The following RHEB variants were observed in gnomAD, a reference collection of about 807,000 sequenced individuals.
RHEB encodes the protein Ras homolog, mTORC1 binding.
In RHEB, 2 loss-of-function variants were observed where a neutral mutation model predicts 28.8. That is an observed-to-expected ratio of 0.07 (90% CI 0.03 to 0.22). The LOEUF (loss-of-function observed/expected upper bound fraction) is 0.22, where lower values mean the gene tolerates loss of function less well. Among genes scored for constraint, RHEB ranks in the 10% least tolerant of loss-of-function variants. The pLI is 1.00. For synonymous variants in RHEB, 69 were observed against 77.3 expected (o/e 0.89, Z 0.56); for missense variants, 76 against 219.9 (o/e 0.35, Z 4.14).
At position 151,502,548 on chromosome 7, in the gene RHEB, C is replaced by G. The variant is rs1253084117; in HGVS notation, c.53-11534G>C. The G allele has an allele frequency of 3.1e-5, 32 of 1,042,660 alleles. No individual in the cohort carries two copies. The Admixed American group carries it at 5.2e-4, about 17-fold the overall frequency. The allele number at this position is 1,042,660 out of a possible 1,614,324, so 64.6% of individuals were successfully genotyped here. A position where few individuals can be genotyped will look rare whatever the true frequency, so the allele number is the denominator to read the frequency against. Reference sequence around the variant, plus strand: ...TTTGAATCTTTCAAACCAATTAATACGTCATTGTATTGTGTGACAACAAAT... The same window carrying G: ...TTTGAATCTTTCAAACCAATTAATAGGTCATTGTATTGTGTGACAACAAAT... On this transcript the variant is annotated intron_variant, in intron 1 of 7. Coordinates refer to ENST00000262187, the MANE Select transcript of RHEB (RefSeq NM_005614.4).
At chr7:151,494,546 C>T (rs773371219) in intron 1 of RHEB, among the ~76,000 whole-genome samples, 4 of 152,208 alleles carry the variant, frequency 2.6e-5, no homozygotes, top group Non-Finnish European at 4.4e-5. Flanking sequence ...GTAATCATTC[C>T]GGTAACAGAC....
At chr7:151,480,746 G>A (rs1802369079) in intron 3 of RHEB, among the ~76,000 whole-genome samples, 1 of 151,064 alleles carries the variant, frequency 6.6e-6, no homozygotes, top group Non-Finnish European at 1.5e-5. Context: ...GGGCAATGGT[G>A]CAATCTTGGG....
intron 7 of RHEB, 189 bp downstream of exon 7, chr7:151,470,382 A>G (rs1314069658): frequency 2.2e-6 from 1 of 456,940 alleles, no homozygotes; most frequent in East Asian, 3.6e-5. Flanking sequence ...TGTAAGTAGA[A>G]TACTGACTGA....
At chr7:151,471,841 G>A (rs1383565627) in intron 4 of RHEB, 3 of 458,014 alleles carry the variant, frequency 6.6e-6, no homozygotes, top group East Asian at 3.6e-5. Context: ...GCATTCAAAC[G>A]GAAAGCCTAC....
intron 2 of RHEB, among the ~76,000 whole-genome samples, chr7:151,489,532 A>C (rs953393504): frequency 1.3e-5 from 2 of 152,248 alleles, no homozygotes; most frequent in Admixed American, 6.5e-5. Flanking sequence ...GCACACTGGA[A>C]CACAAAGGAC....
chr7:151,504,425 T>A (rs1802830523), intron 1 of RHEB, among the ~76,000 whole-genome samples: 2 of 152,170 alleles, frequency 1.3e-5, no homozygotes, highest in Admixed American at 6.5e-5. Context: ...GCCCTGCTTT[T>A]CACCCTGCAG....
At chr7:151,491,138 T>C in intron 1 of RHEB, 124 bp from the exon 2 acceptor site, 3 of 636,152 alleles carry the variant, frequency 4.7e-6, no homozygotes, top group Non-Finnish European at 8.3e-6. Context: ...CAGAAAACAT[T>C]CATTTAATTA....
Position 151,482,865 on chromosome 7 carries a change from C to T in RHEB, c.192+1872G>A, listed in dbSNP as rs1490748948. Among the ~76,000 whole-genome samples the T allele has an allele frequency of 3.3e-5, 5 of 152,330 alleles. No homozygotes were observed. The South Asian group carries it at 8.3e-4, about 25-fold the overall frequency. On this transcript the variant is annotated intron_variant, in intron 3 of 7. Transcript: ENST00000262187. ...TTCCTACTCAAGCGGCTCTTCCCTTCCCTACTAATTTCTAATGAGCCTCGT... is the reference window on the plus strand; with the variant it reads ...TTCCTACTCAAGCGGCTCTTCCCTTTCCTACTAATTTCTAATGAGCCTCGT...
At chr7:151,476,107 G>C (rs202070512) in intron 4 of RHEB, among the ~76,000 whole-genome samples, 1 of 152,066 alleles carries the variant, frequency 6.6e-6, no homozygotes, top group Non-Finnish European at 1.5e-5. Context: ...TGACAGTATG[G>C]GGTCTGTTTA....
intron 4 of RHEB, among the ~76,000 whole-genome samples, chr7:151,476,134 T>C (rs1802267945): frequency 6.6e-6 from 1 of 152,194 alleles, no homozygotes; most frequent in East Asian, 1.9e-4. Context: ...TGGCCGAGAA[T>C]GGTACTCAAA....
intron 3 of RHEB, among the ~76,000 whole-genome samples, chr7:151,479,638 G>A (rs934113591): frequency 8.2e-5 from 12 of 146,980 alleles, no homozygotes; most frequent in South Asian, 4.2e-4. Context: ...AGCCGAGATC[G>A]CGCCACAGCA....
chr7:151,480,706 CAG>C (rs981546223), intron 3 of RHEB, among the ~76,000 whole-genome samples: 5 of 146,438 alleles, frequency 3.4e-5, no homozygotes, highest in Admixed American at 2.8e-4. Context: ...TTTTTTGAGA[CAG>C]AGTTTCACTC....
At chr7:151,482,833 A>G (rs1339923116) in intron 3 of RHEB, among the ~76,000 whole-genome samples, 1 of 152,146 alleles carries the variant, frequency 6.6e-6, no homozygotes, top group Non-Finnish European at 1.5e-5. Flanking sequence ...CAACAATCCA[A>G]AACAATTTCC....
In RHEB at chr7:151,477,496, C is replaced by G. The variant is rs541744580; in HGVS notation, c.193-81G>C. 6.9e-5 allele frequency: 53 copies of G among 772,246 alleles called. No homozygotes were observed. In the South Asian group the frequency reaches 8.2e-4, roughly 12 times the overall value. The allele number at this position is 772,246 out of a possible 1,614,324, so 47.8% of individuals were successfully genotyped here. A position where few individuals can be genotyped will look rare whatever the true frequency, so the allele number is the denominator to read the frequency against. ...TTTACCCAAAGTTTTTCATGTATTA[C>G]CTGAAGAAATCAAAGTAGACGCAGA... On this transcript the variant is annotated intron_variant, in intron 3 of 7. Coordinates refer to ENST00000262187, the MANE Select transcript of RHEB (RefSeq NM_005614.4).
At chr7:151,516,734 T>C (rs1011990224) in intron 1 of RHEB, among the ~76,000 whole-genome samples, 1 of 151,856 alleles carries the variant, frequency 6.6e-6, no homozygotes, top group African/African-American at 2.4e-5. Flanking sequence ...CAAATCACAA[T>C]GACAAGTATC....
intron 1 of RHEB, among the ~76,000 whole-genome samples, chr7:151,499,825 C>T (rs1344605676): frequency 6.6e-6 from 1 of 152,236 alleles, no homozygotes; most frequent in Admixed American, 6.5e-5. Flanking sequence ...GTCTTTTTTT[C>T]GGAGACAGGG....
intron 1 of RHEB, among the ~76,000 whole-genome samples, chr7:151,493,145 T>C (rs541283622): frequency 1.3e-5 from 2 of 152,172 alleles, no homozygotes; most frequent in East Asian, 3.9e-4. Context: ...CTGCCCTAAA[T>C]TCCCAGCTTC....
At chr7:151,478,132 C>T (rs151107560) in intron 3 of RHEB, among the ~76,000 whole-genome samples, 3 of 152,160 alleles carry the variant, frequency 2.0e-5, no homozygotes, top group Non-Finnish European at 2.9e-5. Flanking sequence ...GCTTTATATA[C>T]GTATTAAAGC....
chr7:151,469,999 T>TA (rs1226345477), intron 7 of RHEB, among the ~76,000 whole-genome samples: 2 of 152,028 alleles, frequency 1.3e-5, no homozygotes, highest in Non-Finnish European at 2.9e-5. Flanking sequence ...GGGTCTAAAT[T>TA]AGAGCAATGG....
Sources: gnomAD v4.1 joint callset for allele counts (sites outside exome capture counted in the v4.1 genomes callset) on GRCh38, gnomAD v4.1.1 for gene constraint, MANE v1.5 for transcripts, NCBI Gene and HGNC (gene_info 2026-07-23, HGNC 2026-07-21) for gene names.